Variants in GMPS observed in about 807,000 individuals in gnomAD.
GMPS encodes the protein GMP synthase [glutamine-hydrolyzing].
A neutral mutation model predicts 77.9 loss-of-function variants in GMPS; 15 were observed. The ratio of observed to expected loss-of-function variants is 0.19; its 90% CI spans 0.13 to 0.30. The LOEUF (loss-of-function observed/expected upper bound fraction) is 0.30. Among genes scored for constraint, GMPS ranks in the 10% least tolerant of loss-of-function variants. The probability of loss-of-function intolerance (pLI) is 1.00; values close to 1 mark genes in which losing one functional copy is unlikely to be tolerated. For missense variants in GMPS, 590 were observed against 838.8 expected (o/e 0.70, Z 3.66); for synonymous variants, 224 against 275.9 (o/e 0.81, Z 1.86).
chr3:155,888,454 G>A (rs747844659), intron 1 of GMPS, among the ~76,000 whole-genome samples: 1 of 151,482 alleles, frequency 6.6e-6, no homozygotes, highest in Non-Finnish European at 1.5e-5. Context: ...TTTTGAGACA[G>A]GATCTCACTC....
At position 155,940,112 on chromosome 3, in the gene GMPS, T is replaced by TTCC; in HGVS notation, c.*2421_*2423dup. On this transcript the variant is annotated 3_prime_UTR_variant, in exon 16 of 16. Coordinates refer to ENST00000496455, the MANE Select transcript of GMPS (RefSeq NM_003875.3). ...TTATTCTGGGCATATCATGACTTTA[T>TTCC]TCCCGTTGCTTACCATCTACCTGGG... 4.9e-6 allele frequency: 1 copy of TTCC among 205,840 alleles called. No homozygotes were observed. Among genetic ancestry groups the TTCC allele is most frequent in the Non-Finnish European group, 9.9e-6 (1 of 100,544 alleles). The allele number at this position is 205,840 out of a possible 1,614,324, so 12.8% of individuals were successfully genotyped here. A position where few individuals can be genotyped will look rare whatever the true frequency, so the allele number is the denominator to read the frequency against.
At chr3:155,918,425 C>T (rs111917298) in intron 9 of GMPS, among the ~76,000 whole-genome samples, 8,290 of 152,260 alleles carry the variant, frequency 0.054, 317 homozygotes, top group East Asian at 0.18. Context: ...GCACTCCCGC[C>T]TGAGCGACAG....
intron 5 of GMPS, among the ~76,000 whole-genome samples, chr3:155,909,469 G>T (rs2108100211): frequency 6.6e-6 from 1 of 152,308 alleles, no homozygotes; most frequent in Non-Finnish European, 1.5e-5. Context: ...AGTAACTTGG[G>T]TGGAGAGGTG....
intron 1 of GMPS, among the ~76,000 whole-genome samples, chr3:155,871,581 C>T (rs958565773): frequency 1.3e-5 from 2 of 152,256 alleles, no homozygotes; most frequent in African/African-American, 4.8e-5. Flanking sequence ...ACTCCGTTCT[C>T]CCTCCCCGCT....
chr3:155,886,485 G>T lies in GMPS; in HGVS notation c.28-7033G>T, dbSNP rs980923304. 2.8e-5 allele frequency among the ~76,000 whole-genome samples: 4 copies of T among 144,590 alleles called. No homozygotes were observed. The Admixed American group carries it at 2.9e-4, about 10-fold the overall frequency. 94.9% of individuals were successfully genotyped at this position (144,590 alleles called of 152,430 possible). On this transcript the variant is annotated intron_variant, in intron 1 of 15. Transcript: ENST00000496455. ...AGCTCATCGGAAGGCTGAGGCAAGA[G>T]AATTGCAGTGAGCTGAGAGGTTGCA...
At position 155,888,056 on chromosome 3, in the gene GMPS, C is replaced by A. The variant is rs928061826; in HGVS notation, c.28-5462C>A. ...TTATGAAAAACCTCAGTAAAATTGA[C>A]CAACATTCCTTTATTTTAATTATTA... On this transcript the variant is annotated intron_variant, in intron 1 of 15. Transcript: ENST00000496455. Among the ~76,000 whole-genome samples the A allele has an allele frequency of 2.0e-5, 3 of 152,144 alleles. No individual in the cohort carries two copies. The South Asian group carries it at 6.2e-4, about 32-fold the overall frequency.
chr3:155,897,594 G>T (rs968450986), intron 2 of GMPS, among the ~76,000 whole-genome samples: 2 of 152,106 alleles, frequency 1.3e-5, no homozygotes, highest in Non-Finnish European at 2.9e-5. Flanking sequence ...GAATTCTTAC[G>T]TACTTCTTCC....
At chr3:155,909,901 C>T (rs1281030916) in intron 5 of GMPS, among the ~76,000 whole-genome samples, 1 of 150,982 alleles carries the variant, frequency 6.6e-6, no homozygotes, top group Non-Finnish European at 1.5e-5. Flanking sequence ...ATGATTACAC[C>T]TCTGCACTCC....
At chr3:155,896,694 T>G (rs1229195281) in intron 2 of GMPS, among the ~76,000 whole-genome samples, 1 of 151,450 alleles carries the variant, frequency 6.6e-6, no homozygotes, top group Non-Finnish European at 1.5e-5. Flanking sequence ...GTGCTGTGAT[T>G]ACAGGTTTGA....
At chr3:155,875,234 G>C (rs1390884971) in intron 1 of GMPS, among the ~76,000 whole-genome samples, 2 of 148,576 alleles carry the variant, frequency 1.3e-5, no homozygotes, top group South Asian at 2.2e-4. Flanking sequence ...CCTGTGTTTT[G>C]TTTTGTTTGT....
rs1385935410 is a variant in GMPS, at chr3:155,875,316, C to T, written c.27+4419C>T. 8.5e-5 allele frequency among the ~76,000 whole-genome samples: 13 copies of T among 152,262 alleles called. No homozygotes were observed. In the South Asian group the frequency reaches 1.0e-3, roughly 12 times the overall value. On this transcript the variant is annotated intron_variant, in intron 1 of 15. Coordinates refer to ENST00000496455, the MANE Select transcript of GMPS (RefSeq NM_003875.3). ...CATGATCTCCCCTCATTGCAACCTC[C>T]GCCTCCCAGGCTCAAGGAATTCTCC...
intron 1 of GMPS, among the ~76,000 whole-genome samples, chr3:155,886,668 T>C (rs996729547): frequency 7.7e-6 from 1 of 129,680 alleles, no homozygotes; most frequent in South Asian, 2.8e-4. Context: ...TCACCCAGGC[T>C]GGAGTGCAGT....
intron 1 of GMPS, among the ~76,000 whole-genome samples, chr3:155,877,114 A>G (rs181880326): frequency 1.3e-4 from 20 of 152,312 alleles, no homozygotes; most frequent in African/African-American, 4.3e-4. Context: ...TCCTATTATG[A>G]ATGTAAATTT....
chr3:155,911,562 C>A (rs192565506), intron 7 of GMPS, among the ~76,000 whole-genome samples: 95 of 152,188 alleles, frequency 6.2e-4, no homozygotes, highest in African/African-American at 2.2e-3. Context: ...CCTGGCCAGG[C>A]GCGGTGGCTC....
At chr3:155,887,460 C>T (rs1309287646) in intron 1 of GMPS, among the ~76,000 whole-genome samples, 2 of 151,960 alleles carry the variant, frequency 1.3e-5, no homozygotes, top group Non-Finnish European at 2.9e-5. Context: ...CAAAGAGATC[C>T]AGTGTGGGAC....
At chr3:155,882,695 A>G (rs1478589578) in intron 1 of GMPS, among the ~76,000 whole-genome samples, 2 of 152,232 alleles carry the variant, frequency 1.3e-5, no homozygotes, top group Non-Finnish European at 2.9e-5. Context: ...CAACAGAAAT[A>G]AAATTACTTT....
Position 155,911,251 on chromosome 3 carries a change from C to T in GMPS, c.858C>T (p.Ala286=). Residue 286 remains alanine, a synonymous_variant, in exon 7 of 16, where the codon GCC becomes GCT. Transcript: ENST00000496455. Reference sequence around the variant, plus strand: ...GAGAAAGCCAGTCTGTTGAAGAGGCCCTCAAAAAGCTTGGAATTCAGGTCA... The same window carrying T: ...GAGAAAGCCAGTCTGTTGAAGAGGCTCTCAAAAAGCTTGGAATTCAGGTCA... ...RKRESQSVEE[A]LKKLGIQVKV... 6.2e-7 allele frequency: 1 copy of T among 1,607,866 alleles called. No individual in the cohort carries two copies.
chr3:155,902,003 A>G lies in GMPS; in HGVS notation c.325-1860A>G, dbSNP rs564054641. Reference sequence around the variant, plus strand: ...ATTTCCTTCCCTTTCTCCCTTCCCAATCTAAAACTTATAAAACTTTGACAT... The same window carrying G: ...ATTTCCTTCCCTTTCTCCCTTCCCAGTCTAAAACTTATAAAACTTTGACAT... On this transcript the variant is annotated intron_variant, in intron 3 of 15. Coordinates refer to ENST00000496455, the MANE Select transcript of GMPS (RefSeq NM_003875.3). Among the ~76,000 whole-genome samples, 64 of 152,200 alleles carry G rather than the reference A, an allele frequency of 4.2e-4. 1 individual carries two copies. The South Asian group carries it at 0.012, about 28-fold the overall frequency.
Position 155,925,314 on chromosome 3 carries a change from G to T in GMPS, c.1508G>T (p.Ser503Ile). 1 of 1,609,434 alleles carries T rather than the reference G, an allele frequency of 6.2e-7. No individual in the cohort carries two copies. Among genetic ancestry groups the T allele is most frequent in the Non-Finnish European group, 8.5e-7 (1 of 1,175,808 alleles). ...EDQEKLMQIT[S>I]LHSLNAFLLP... ...CAGGAGAAGCTGATGCAAATTACCAGTCTGCATTCACTGAATGCCTTCTTG... is the reference window on the plus strand; with the variant it reads ...CAGGAGAAGCTGATGCAAATTACCATTCTGCATTCACTGAATGCCTTCTTG... Residue 503 changes from serine (S) to isoleucine (I), a missense_variant, in exon 12 of 16, where the codon AGT becomes ATT. Coordinates refer to ENST00000496455, the MANE Select transcript of GMPS (RefSeq NM_003875.3).
Sources: gnomAD v4.1 joint callset for allele counts (sites outside exome capture counted in the v4.1 genomes callset) on GRCh38, gnomAD v4.1.1 for gene constraint, MANE v1.5 for transcripts, NCBI Gene and HGNC (gene_info 2026-07-23, HGNC 2026-07-21) for gene names.